Variants in GRIA4 observed in about 807,000 individuals in gnomAD.
The protein encoded by GRIA4 is glutamate receptor 4.
A neutral mutation model predicts 104.0 loss-of-function variants in GRIA4; 34 were observed. The observed-to-expected ratio is 0.33, with a 90% confidence interval of 0.25 to 0.44. The LOEUF (loss-of-function observed/expected upper bound fraction) is 0.44, where lower values mean the gene tolerates loss of function less well. GRIA4 is among the 20% of genes least tolerant of loss of function. The pLI is 1.00. For missense variants in GRIA4, 750 were observed against 1,096.5 expected, an observed-to-expected ratio of 0.68 and a Z score of 4.46; for synonymous variants, 386 against 381.9, an observed-to-expected ratio of 1.01 and a Z score of -0.13.
At chr11:105,776,209 T>C (rs1195471849) in intron 4 of GRIA4, among the ~76,000 whole-genome samples, 1 of 152,060 alleles carries the variant, frequency 6.6e-6, no homozygotes, top group Non-Finnish European at 1.5e-5. Flanking sequence ...ACACTAAAGA[T>C]TGTGTAGTTT....
intron 3 of GRIA4, among the ~76,000 whole-genome samples, chr11:105,728,794 T>C (rs1423665417): frequency 6.6e-6 from 1 of 152,152 alleles, no homozygotes; most frequent in African/African-American, 2.4e-5. Flanking sequence ...AATAAGTTCC[T>C]TGAAACTAAT....
chr11:105,622,121 G>A (rs1950763706), intron 3 of GRIA4, among the ~76,000 whole-genome samples: 1 of 151,642 alleles, frequency 6.6e-6, no homozygotes, highest in Non-Finnish European at 1.5e-5. Flanking sequence ...CAGATTCATT[G>A]ATGATGTCTT....
intron 4 of GRIA4, among the ~76,000 whole-genome samples, chr11:105,845,987 C>A (rs912988589): frequency 6.6e-6 from 1 of 152,158 alleles, no homozygotes; most frequent in Non-Finnish European, 1.5e-5. Flanking sequence ...AGAGTAAACA[C>A]TCAGTAAATG....
At chr11:105,843,413 A>G (rs1375910462) in intron 4 of GRIA4, among the ~76,000 whole-genome samples, 1 of 152,214 alleles carries the variant, frequency 6.6e-6, no homozygotes, top group African/African-American at 2.4e-5. Flanking sequence ...CATTCAATAT[A>G]TAACTTATTA....
intron 11 of GRIA4, among the ~76,000 whole-genome samples, chr11:105,919,235 A>C (rs372948370): frequency 5.3e-5 from 8 of 152,226 alleles, no homozygotes; most frequent in African/African-American, 1.9e-4. Flanking sequence ...GAACTACAAA[A>C]CAAATATAAT....
intron 3 of GRIA4, among the ~76,000 whole-genome samples, chr11:105,699,689 C>T (rs1367303304): frequency 6.6e-6 from 1 of 152,066 alleles, no homozygotes; most frequent in African/African-American, 2.4e-5. Flanking sequence ...ATTTCCTCTG[C>T]TTGGAACACT....
chr11:105,833,411 T>C (rs1944055324), intron 4 of GRIA4, among the ~76,000 whole-genome samples: 1 of 151,960 alleles, frequency 6.6e-6, no homozygotes, highest in Non-Finnish European at 1.5e-5. Flanking sequence ...TAAACCAATC[T>C]GTACAAATAT....
intron 4 of GRIA4, among the ~76,000 whole-genome samples, chr11:105,788,739 CA>C (rs533526740): frequency 7.0e-4 from 107 of 151,936 alleles, no homozygotes; most frequent in African/African-American, 2.5e-3. Context: ...CTGGGGACTC[CA>C]AAAGGGATGA....
chr11:105,616,490 G>T (rs1358098962), intron 3 of GRIA4, among the ~76,000 whole-genome samples: 1 of 151,630 alleles, frequency 6.6e-6, no homozygotes, highest in East Asian at 1.9e-4. Flanking sequence ...GGCTCTGCAG[G>T]ATTTTCCACT....
chr11:105,858,397 A>C (rs373884139), intron 4 of GRIA4, among the ~76,000 whole-genome samples: 1 of 152,112 alleles, frequency 6.6e-6, no homozygotes, highest in Non-Finnish European at 1.5e-5. Flanking sequence ...GTAGCTGTGT[A>C]TATTTATGGG....
chr11:105,898,202 G>A, intron 6 of GRIA4, 67 bp from the exon 7 acceptor site: 3 of 728,404 alleles, frequency 4.1e-6, no homozygotes. Context: ...ATTAATTTAT[G>A]TTACTATTGA....
intron 5 of GRIA4, 174 bp downstream of exon 5, chr11:105,862,382 CCTTTTTGGTT>C: frequency 3.6e-6 from 2 of 555,518 alleles, no homozygotes; most frequent in Non-Finnish European, 6.4e-6. Context: ...TCACCAAGGA[CCTTTTTGGTT>C]CTTAAGTCTC....
rs533988287 is a variant in GRIA4 at position 105,972,752 on chromosome 11, A to T, written c.2409+724A>T. 3.5e-3 allele frequency among the ~76,000 whole-genome samples: 535 copies of T among 152,230 alleles called. 5 individuals are homozygous for T. Among genetic ancestry groups the T allele is most frequent in the African/African-American group, 0.011 (473 of 41,560 alleles). Reference sequence around the variant, plus strand: ...GGAAATAGTTATGTTTTTATTTTTTAAAAAAATTACAAGTTTATCAGTGAA... The same window carrying T: ...GGAAATAGTTATGTTTTTATTTTTTTAAAAAATTACAAGTTTATCAGTGAA... On this transcript the variant is annotated intron_variant, in intron 15 of 16. Coordinates refer to ENST00000282499, the MANE Select transcript of GRIA4 (RefSeq NM_000829.4).
Position 105,737,294 on chromosome 11 carries a change from T to C in GRIA4, c.248-15687T>C, listed in dbSNP as rs1591169180. ...CAAAAAATAACAACACACAATTAAA[T>C]TGGCTGCTTTATGTCTTTTTACTAA... is the stretch of plus-strand genomic sequence containing the variant. On this transcript the variant is annotated intron_variant, in intron 3 of 16. Coordinates refer to ENST00000282499, the MANE Select transcript of GRIA4 (RefSeq NM_000829.4). Among the ~76,000 whole-genome samples the C allele has an allele frequency of 2.0e-5, 3 of 152,118 alleles. No homozygotes were observed. The South Asian group carries it at 6.2e-4, about 32-fold the overall frequency.
intron 1 of GRIA4, 78 bp from the exon 2 acceptor site, chr11:105,610,830 C>G (rs1249768393): frequency 3.4e-6 from 2 of 593,282 alleles, no homozygotes; most frequent in African/African-American, 3.8e-5. Context: ...CTTAAACCAC[C>G]GAAACCTCTT....
At chr11:105,726,047 C>A (rs1008584920) in intron 3 of GRIA4, among the ~76,000 whole-genome samples, 4 of 152,032 alleles carry the variant, frequency 2.6e-5, no homozygotes, top group Admixed American at 2.0e-4. Flanking sequence ...GAGACAGAAC[C>A]GTTCACTCCC....
chr11:105,803,587 T>C (rs777562577), intron 4 of GRIA4, among the ~76,000 whole-genome samples: 1 of 152,050 alleles, frequency 6.6e-6, no homozygotes, highest in East Asian at 1.9e-4. Flanking sequence ...ATTAAATCAA[T>C]AGGCTCTTCT....
intron 3 of GRIA4, among the ~76,000 whole-genome samples, chr11:105,634,997 C>T (rs1424376072): frequency 6.6e-6 from 1 of 152,176 alleles, no homozygotes; most frequent in Non-Finnish European, 1.5e-5. Flanking sequence ...ATGATGATAA[C>T]ATTTCACACA....
chr11:105,787,529 G>A (rs967887200), intron 4 of GRIA4, among the ~76,000 whole-genome samples: 2 of 140,166 alleles, frequency 1.4e-5, no homozygotes, highest in African/African-American at 5.5e-5. Flanking sequence ...AGGCTGGAGT[G>A]CAATGGAGCG....
Sources: allele counts gnomAD v4.1 joint callset (sites outside exome capture counted in the v4.1 genomes callset), GRCh38; gene constraint gnomAD v4.1.1; transcripts MANE v1.5; gene names NCBI Gene and HGNC (gene_info 2026-07-23, HGNC 2026-07-21).